Variants in VPS13D observed in about 807,000 individuals in gnomAD.
The protein encoded by VPS13D is intermembrane lipid transfer protein VPS13D.
VPS13D carries 187 observed loss-of-function variants against 461.9 expected under a neutral mutation model. The ratio of observed to expected loss-of-function variants is 0.40; its 90% CI spans 0.36 to 0.46. VPS13D has a LOEUF of 0.46. Among genes scored for constraint, VPS13D ranks in the 20% least tolerant of loss-of-function variants. The pLI is 0.60. For missense variants in VPS13D, 4,711 were observed against 5,364.9 expected (o/e 0.88, Z 3.81); for synonymous variants, 1,951 against 1,986.3 (o/e 0.98, Z 0.47).
intron 67 of VPS13D, among the ~76,000 whole-genome samples, chr1:12,467,123 G>A (rs918261925): frequency 6.6e-6 from 1 of 152,156 alleles, no homozygotes; most frequent in Non-Finnish European, 1.5e-5. Context: ...GACATTGGAT[G>A]TCTCACTTGG....
At chr1:12,247,548 T>G (rs554548936) in intron 5 of VPS13D, among the ~76,000 whole-genome samples, 1 of 152,174 alleles carries the variant, frequency 6.6e-6, no homozygotes, top group South Asian at 2.1e-4. Context: ...ACATTTATTA[T>G]TCATTGTGTA....
intron 53 of VPS13D, among the ~76,000 whole-genome samples, chr1:12,368,794 C>G (rs917064090): frequency 6.6e-6 from 1 of 152,198 alleles, no homozygotes; most frequent in Non-Finnish European, 1.5e-5. Context: ...GCTAGGCAGC[C>G]TTGTCCAGGC....
chr1:12,375,946 G>C (rs560009019), intron 55 of VPS13D, among the ~76,000 whole-genome samples: 1 of 152,306 alleles, frequency 6.6e-6, no homozygotes, highest in Non-Finnish European at 1.5e-5. Context: ...AGGGAGGAAG[G>C]GAACTGGAAG....
chr1:12,252,061 C>T (rs1640751438), intron 6 of VPS13D, among the ~76,000 whole-genome samples: 1 of 152,112 alleles, frequency 6.6e-6, no homozygotes, highest in African/African-American at 2.4e-5. Context: ...CCTCCGTCTT[C>T]ATGTGGCCTT....
Position 12,299,072 on chromosome 1 carries a change from G to A in VPS13D, c.6034-130G>A. The A allele has an allele frequency of 1.3e-6, 1 of 752,728 alleles. No homozygotes were observed. The allele number at this position is 752,728 out of a possible 1,614,324, so 46.6% of individuals were successfully genotyped here. On this transcript the variant is annotated intron_variant, in intron 24 of 69. Transcript: ENST00000620676. The surrounding 1 kb of genome is among the most constrained non-coding windows in gnomAD (Gnocchi z 4.2). The stretch of plus-strand genomic sequence containing the variant: ...CTGACTTCCAGTTTAACTCCATGGT[G>A]GTCATAGAATATGCTCTGTATGATT...
At chr1:12,247,629 T>C (rs1640599958) in intron 5 of VPS13D, among the ~76,000 whole-genome samples, 1 of 152,160 alleles carries the variant, frequency 6.6e-6, no homozygotes, top group Admixed American at 6.5e-5. Flanking sequence ...GGATACTGAA[T>C]ATTTTTCCGT....
chr1:12,378,463 A>G lies in VPS13D; in HGVS notation c.10953A>G (p.Thr3651=). The G allele has an allele frequency of 6.2e-7, 1 of 1,611,284 alleles. No homozygotes were observed. The highest frequency in any genetic ancestry group is 8.5e-7 in the Non-Finnish European group (1 of 1,178,928). ...AGCGTTCTCAGCTGTGGAGGATGAC[A>G]GGAACAGGAATGCTGGCCCATGAGG... The part of the protein sequence containing the change: ...PGKRSQLWRM[T]GTGMLAHEGS... The change falls in exon 56 of 70, where the codon ACA becomes ACG. Residue 3651 remains threonine, a synonymous_variant. Transcript: ENST00000620676.
chr1:12,409,740 C>G, intron 63 of VPS13D: 1 of 321,630 alleles, frequency 3.1e-6, no homozygotes, highest in Non-Finnish European at 6.1e-6. Flanking sequence ...AGATTGTTAA[C>G]CAGCTTATAG....
chr1:12,274,995 GA>G (rs1641565376), intron 18 of VPS13D, among the ~76,000 whole-genome samples: 1 of 152,086 alleles, frequency 6.6e-6, no homozygotes, highest in Non-Finnish European at 1.5e-5. Flanking sequence ...GAGGTGGGTG[GA>G]TCACCTGAGG....
intron 5 of VPS13D, among the ~76,000 whole-genome samples, chr1:12,245,507 A>G (rs973723934): frequency 1.3e-5 from 2 of 152,190 alleles, no homozygotes; most frequent in Admixed American, 6.5e-5. Flanking sequence ...TATATTTACA[A>G]GGTTGTGCGT....
At chr1:12,312,604 T>G (rs1175036133) in intron 29 of VPS13D, among the ~76,000 whole-genome samples, 1 of 151,902 alleles carries the variant, frequency 6.6e-6, no homozygotes, top group East Asian at 1.9e-4. Context: ...TACAAAAAAT[T>G]AAAAAACTAG....
chr1:12,479,620 A>T (rs626822), intron 67 of VPS13D, among the ~76,000 whole-genome samples: 6,021 of 152,282 alleles, frequency 0.04, 138 homozygotes, highest in Non-Finnish European at 0.046. Context: ...TAAGGAAGGG[A>T]ACCAGAATGT....
intron 65 of VPS13D, among the ~76,000 whole-genome samples, chr1:12,417,061 T>C (rs1345505298): frequency 5.9e-5 from 9 of 152,132 alleles, no homozygotes; most frequent in Admixed American, 5.9e-4. Flanking sequence ...GTCCAGGCAT[T>C]GCGTATGTCT....
In VPS13D at chr1:12,277,548, C is replaced by T. The variant is rs77854026; in HGVS notation, c.3960C>T (p.Ser1320=). Residue 1320 remains serine, a synonymous_variant, in exon 19 of 70, where the codon AGC becomes AGT. Coordinates refer to ENST00000620676, the MANE Select transcript of VPS13D (RefSeq NM_015378.4). ...LEENFRGMLK[S]AATKVTTVLA... ...AAAATTTTCGAGGTATGCTGAAAAG[C>T]GCAGCCACCAAAGTCACCACAGTAC... 560 of 1,613,978 alleles carry T rather than the reference C, an allele frequency of 3.5e-4. 2 individuals carry two copies. The African/African-American group carries it at 6.1e-3, about 17-fold the overall frequency.
At chr1:12,270,190 T>C (rs1253015610) in intron 16 of VPS13D, among the ~76,000 whole-genome samples, 1 of 151,460 alleles carries the variant, frequency 6.6e-6, no homozygotes, top group South Asian at 2.1e-4. Context: ...GGTGTGGTGA[T>C]TCACACCTGT....
At position 12,466,639 on chromosome 1, in the gene VPS13D, G is replaced by A. The variant is rs993648745; in HGVS notation, c.12662+6243G>A. Among the ~76,000 whole-genome samples, 12 of 151,974 alleles carry A rather than the reference G, an allele frequency of 7.9e-5. No homozygotes were observed. In the South Asian group the frequency reaches 1.7e-3, roughly 21 times the overall value. On this transcript the variant is annotated intron_variant, in intron 67 of 69. Transcript: ENST00000620676. ...CAGCACGCTCCTTCCAGATGAGTCC[G>A]GTACGCTGTAGTAGCATCCATATAG...
chr1:12,482,015 A>G (rs1014454237), intron 67 of VPS13D, among the ~76,000 whole-genome samples: 10 of 152,316 alleles, frequency 6.6e-5, no homozygotes, highest in African/African-American at 2.4e-4. Flanking sequence ...ATGCTGCTCC[A>G]AGCTGGCTGG....
At chr1:12,259,344 C>A (rs1641029498) in intron 10 of VPS13D, among the ~76,000 whole-genome samples, 1 of 146,324 alleles carries the variant, frequency 6.8e-6, no homozygotes, top group South Asian at 2.1e-4. Context: ...GAGACAGGAT[C>A]TCCTTCTGTC....
At chr1:12,294,797 C>T (rs1217018840) in intron 24 of VPS13D, among the ~76,000 whole-genome samples, 3 of 152,010 alleles carry the variant, frequency 2.0e-5, no homozygotes, top group Non-Finnish European at 2.9e-5. Flanking sequence ...GGCGACAGAG[C>T]GAGACTCCGT....
Sources: allele counts gnomAD v4.1 joint callset (sites outside exome capture counted in the v4.1 genomes callset), GRCh38; gene constraint gnomAD v4.1.1; non-coding constraint Gnocchi (gnomAD v3.1); transcripts MANE v1.5; gene names NCBI Gene and HGNC (gene_info 2026-07-23, HGNC 2026-07-21).